The following TPCN1 variants were observed in gnomAD, a reference collection of about 807,000 sequenced individuals.
The protein encoded by TPCN1 is two pore channel protein 1.
Under a neutral mutation model 108.8 loss-of-function variants are expected in TPCN1, and 52 were observed. That is an observed-to-expected ratio of 0.48 (90% confidence interval 0.38 to 0.60). The LOEUF is 0.60. Among genes scored for constraint, TPCN1 ranks in the 20% least tolerant of loss-of-function variants. The probability of loss-of-function intolerance (pLI) is 0.00; values close to 1 mark genes in which losing one functional copy is unlikely to be tolerated. For synonymous variants in TPCN1, 446 were observed against 433.7 expected, an observed-to-expected ratio of 1.03 and a Z score of -0.35; for missense variants, 806 against 1,072.8, an observed-to-expected ratio of 0.75 and a Z score of 3.47.
At chr12:113,241,761 CGTGTGTGTGT>C (rs67580212) in intron 2 of TPCN1, among the ~76,000 whole-genome samples, 11 of 144,376 alleles carry the variant, frequency 7.6e-5, no homozygotes, top group Admixed American at 2.8e-4. Context: ...CGTGCCTCTG[CGTGTGTGTGT>C]GTGTGTGTGT....
In TPCN1 at chr12:113,269,896, T is replaced by C. The variant is rs967697315; in HGVS notation, c.748+51T>C. The C allele has an allele frequency of 3.8e-6, 6 of 1,590,120 alleles. No individual in the cohort carries two copies. Among genetic ancestry groups the C allele is most frequent in the African/African-American group, 1.3e-5 (1 of 74,438 alleles). The stretch of plus-strand genomic sequence containing the variant: ...GTGCGCTGGAAAAGCAAGTTCACGG[T>C]GGATGAAAAATTATTTTGGGCCTGG... On this transcript the variant is annotated intron_variant, in intron 7 of 27. Transcript: ENST00000335509. The surrounding 1 kb of genome is among the most constrained non-coding windows in gnomAD (Gnocchi z 5.0).
Position 113,297,958 on chromosome 12 carries a change from G to A in TPCN1, c.*1882G>A, listed in dbSNP as rs1394273039. 6.6e-6 allele frequency: 1 copy of A among 152,236 alleles called. No homozygotes were observed. Among genetic ancestry groups the A allele is most frequent in the African/African-American group, 2.4e-5 (1 of 41,442 alleles). The allele number at this position is 152,236 out of a possible 1,614,324, so 9.4% of individuals were successfully genotyped here. On this transcript the variant is annotated 3_prime_UTR_variant, in exon 28 of 28. Coordinates refer to ENST00000335509, the MANE Select transcript of TPCN1 (RefSeq NM_017901.6). The surrounding 1 kb of genome is among the most constrained non-coding windows in gnomAD (Gnocchi z 4.4). ...GCCTGGGCCCTTCTTCCTCCCCAGG[G>A]GTGGAAACGTGGAGGGGCCAGCAGC...
intron 2 of TPCN1, among the ~76,000 whole-genome samples, chr12:113,230,928 A>T (rs768176264): frequency 1.4e-4 from 22 of 152,124 alleles, no homozygotes; most frequent in Non-Finnish European, 2.1e-4. Context: ...TCTCCTCACC[A>T]TTGCTTTGAG....
At position 113,273,212 on chromosome 12, in the gene TPCN1, T is replaced by C. The variant is rs1449448689; in HGVS notation, c.784-20T>C. Reference sequence around the variant, plus strand: ...TGCTCTTGGCTGGTCCCGACTTCTCTGCCCTCTCTTCCCTTGCAGTACTTC... The same window carrying C: ...TGCTCTTGGCTGGTCCCGACTTCTCCGCCCTCTCTTCCCTTGCAGTACTTC... On this transcript the variant is annotated intron_variant, in intron 8 of 27. Transcript: ENST00000335509. This position sits in a 1 kb window ranked among gnomAD's most constrained non-coding sequence, Gnocchi z 4.0. 5.6e-6 allele frequency: 9 copies of C among 1,613,904 alleles called. No individual in the cohort carries two copies. Among genetic ancestry groups the C allele is most frequent in the Non-Finnish European group, 6.8e-6 (8 of 1,179,844 alleles).
Position 113,260,452 on chromosome 12 carries a change from A to G in TPCN1, c.197A>G (p.Asn66Ser), listed in dbSNP as rs747017176. ...GESSPSSPAHNWEMNYQEAAI... is the reference protein window; with the variant it reads ...GESSPSSPAHSWEMNYQEAAI... Reference sequence around the variant, plus strand: ...AGTTCCCCCTCCAGCCCCGCACACAACTGGGAGATGAATTACCAAGAGGCA... The same window carrying G: ...AGTTCCCCCTCCAGCCCCGCACACAGCTGGGAGATGAATTACCAAGAGGCA... Residue 66 changes from asparagine to serine, a missense_variant, in exon 3 of 28, where the codon AAC (asparagine) becomes AGC (serine). Transcript: ENST00000335509. 3.8e-6 allele frequency: 6 copies of G among 1,570,752 alleles called. No individual in the cohort carries two copies. In the South Asian group the frequency reaches 4.7e-5, roughly 12 times the overall value.
chr12:113,252,313 C>A (rs1274347905), intron 2 of TPCN1, among the ~76,000 whole-genome samples: 1 of 152,124 alleles, frequency 6.6e-6, no homozygotes, highest in East Asian at 1.9e-4. Context: ...CGTCGGGCCA[C>A]CTGGTCCCAG....
chr12:113,265,548 CT>C lies in TPCN1; in HGVS notation c.238-616del, dbSNP rs773726528. ...CTCAGGACCTTTTTTCTTTTTCTTTCTTTTTTTTTTTTTTTTGAGACCAGGT... is the reference window on the plus strand; with the variant it reads ...CTCAGGACCTTTTTTCTTTTTCTTTCTTTTTTTTTTTTTTTGAGACCAGGT... On this transcript the variant is annotated intron_variant, in intron 3 of 27. Coordinates refer to ENST00000335509, the MANE Select transcript of TPCN1 (RefSeq NM_017901.6). Among the ~76,000 whole-genome samples the C allele has an allele frequency of 2.7e-3, 385 of 140,854 alleles. 1 individual carries two copies. The highest frequency in any genetic ancestry group is 3.0e-3 in the Admixed American group (42 of 14,070). The allele number at this position is 140,854 out of a possible 152,430, so 92.4% of individuals were successfully genotyped here.
chr12:113,272,586 C>G lies in TPCN1; in HGVS notation c.749-72C>G. 7.2e-7 allele frequency: 1 copy of G among 1,390,210 alleles called. No individual in the cohort carries two copies. The highest frequency in any genetic ancestry group is 1.0e-6 in the Non-Finnish European group (1 of 975,970). The allele number at this position is 1,390,210 out of a possible 1,614,324, so 86.1% of individuals were successfully genotyped here. ...CTGCGTTCATTTGCATGTATTTGTC[C>G]AGTCCTTTTGACACCAGGTTTTGGG... On this transcript the variant is annotated intron_variant, in intron 7 of 27. Coordinates refer to ENST00000335509, the MANE Select transcript of TPCN1 (RefSeq NM_017901.6). This position sits in a 1 kb window ranked among gnomAD's most constrained non-coding sequence, Gnocchi z 4.1.
At chr12:113,245,703 C>T (rs1954352727) in intron 2 of TPCN1, among the ~76,000 whole-genome samples, 1 of 152,120 alleles carries the variant, frequency 6.6e-6, no homozygotes, top group South Asian at 2.1e-4. Context: ...AGCTCCCTCC[C>T]AGGAGGGGCC....
At chr12:113,247,576 TC>T (rs1446579267) in intron 2 of TPCN1, among the ~76,000 whole-genome samples, 2 of 152,202 alleles carry the variant, frequency 1.3e-5, no homozygotes, top group African/African-American at 4.8e-5. Context: ...GGATTAGCAC[TC>T]CACGAGGTGG....
In TPCN1 at chr12:113,258,478, A is replaced by G. The variant is rs183405412; in HGVS notation, c.113-1890A>G. 2.6e-3 allele frequency among the ~76,000 whole-genome samples: 402 copies of G among 151,962 alleles called. 4 individuals carry two copies. The highest frequency in any genetic ancestry group is 5.2e-3 in the East Asian group (27 of 5,152). On this transcript the variant is annotated intron_variant, in intron 2 of 27. Coordinates refer to ENST00000335509, the MANE Select transcript of TPCN1 (RefSeq NM_017901.6). ...GAGACTCCATCTCAAAAAAAGGAAG[A>G]AAGAAAAAACAAGGGTGGAGTGGCT...
intron 1 of TPCN1, among the ~76,000 whole-genome samples, chr12:113,224,213 T>A (rs531880462): frequency 6.6e-6 from 1 of 152,330 alleles, no homozygotes; most frequent in South Asian, 2.1e-4. Flanking sequence ...TTTATTTAGC[T>A]GTGGGTCCTT....
chr12:113,292,185 T>C (rs1956290431), intron 25 of TPCN1: 2 of 520,104 alleles, frequency 3.8e-6, no homozygotes, highest in Non-Finnish European at 6.9e-6. Context: ...GAGCATGTCA[T>C]AGTTGGAGAA....
intron 3 of TPCN1, among the ~76,000 whole-genome samples, chr12:113,261,007 A>G (rs1252222089): frequency 1.3e-5 from 2 of 152,134 alleles, no homozygotes; most frequent in Non-Finnish European, 2.9e-5. Context: ...AGCCTGGCCA[A>G]CATAGTGAAA....
rs989443137 is a variant in TPCN1 at position 113,295,908 on chromosome 12, G to A, written c.2335-52G>A. On this transcript the variant is annotated intron_variant, in intron 27 of 27. Transcript: ENST00000335509. ...GGCTGTGTGACCTTGTGGGGTGGGC[G>A]GGGCAGGGGGTGGGGTGCAGCCCTC... The A allele has an allele frequency of 2.6e-5, 40 of 1,511,238 alleles. No individual in the cohort carries two copies. In the Admixed American group the frequency reaches 4.0e-4, roughly 15 times the overall value. The allele number at this position is 1,511,238 out of a possible 1,614,324, so 93.6% of individuals were successfully genotyped here. A position where few individuals can be genotyped will look rare whatever the true frequency, so the allele number is the denominator to read the frequency against.
At chr12:113,246,031 A>C (rs1254754756) in intron 2 of TPCN1, 1 of 455,950 alleles carries the variant, frequency 2.2e-6, no homozygotes, top group African/African-American at 2.0e-5. Context: ...CTGTGACATC[A>C]GCATGTGGGA....
chr12:113,285,834 G>T lies in TPCN1; in HGVS notation c.1454-55G>T, dbSNP rs184998928. 5.4e-6 allele frequency: 8 copies of T among 1,490,412 alleles called. No individual in the cohort carries two copies. The Admixed American group carries it at 1.2e-4, about 22-fold the overall frequency. The allele number at this position is 1,490,412 out of a possible 1,614,324, so 92.3% of individuals were successfully genotyped here. On this transcript the variant is annotated intron_variant, in intron 17 of 27. Coordinates refer to ENST00000335509, the MANE Select transcript of TPCN1 (RefSeq NM_017901.6). The stretch of plus-strand genomic sequence containing the variant: ...GTGGAGGAGCCTCAAAGAGGAGACC[G>T]AGCATGGGGGAGGATGTGGCGGGGC...
chr12:113,284,900 A>T lies in TPCN1; in HGVS notation c.1453+129A>T. 5.7e-6 allele frequency: 6 copies of T among 1,052,890 alleles called. No individual in the cohort carries two copies. The highest frequency in any genetic ancestry group is 8.6e-6 in the Non-Finnish European group (6 of 695,362). The allele number at this position is 1,052,890 out of a possible 1,614,324, so 65.2% of individuals were successfully genotyped here. ...ATAAAGAGACGGAGTAATCAGTCTG[A>T]TTCCATCTCGTCCCCGTTTAAAACT... On this transcript the variant is annotated intron_variant, in intron 17 of 27. Coordinates refer to ENST00000335509, the MANE Select transcript of TPCN1 (RefSeq NM_017901.6). This position sits in a 1 kb window ranked among gnomAD's most constrained non-coding sequence, Gnocchi z 4.1.
intron 2 of TPCN1, among the ~76,000 whole-genome samples, chr12:113,245,600 CAAAAAAAAAA>C (rs766002477): frequency 2.3e-5 from 1 of 43,204 alleles, no homozygotes; most frequent in African/African-American, 1.1e-4. Flanking sequence ...GACTCCGTCT[CAAAAAAAAAA>C]AAAAAAAAAA....
Sources: gnomAD v4.1 joint callset for allele counts (sites outside exome capture counted in the v4.1 genomes callset) on GRCh38, gnomAD v4.1.1 for gene constraint, Gnocchi (gnomAD v3.1) non-coding constraint, MANE v1.5 for transcripts, NCBI Gene and HGNC (gene_info 2026-07-23, HGNC 2026-07-21) for gene names.